Variants in SNPH observed in about 807,000 individuals in gnomAD.
SNPH encodes syntaphilin.
Under a neutral mutation model 36.8 loss-of-function variants are expected in SNPH, and 10 were observed. The ratio of observed to expected loss-of-function variants is 0.27; its 90% CI spans 0.17 to 0.46. The LOEUF is 0.46. Among genes scored for constraint, SNPH ranks in the 20% least tolerant of loss-of-function variants. The pLI, the probability that SNPH is intolerant of heterozygous loss-of-function variation, is 1.00. For synonymous variants in SNPH, 281 were observed against 312.2 expected (o/e 0.90, Z 1.05); for missense variants, 622 against 744.0 (o/e 0.84, Z 1.91).
At chr20:1,293,816 G>A in intron 2 of SNPH, among the ~76,000 whole-genome samples, 1 of 152,192 alleles carries the variant, frequency 6.6e-6, no homozygotes, top group East Asian at 1.9e-4. Flanking sequence ...AACTCAAGAG[G>A]AGGCAGGTGT....
intron 2 of SNPH, among the ~76,000 whole-genome samples, chr20:1,289,406 T>C (rs1040127314): frequency 1.3e-4 from 20 of 152,110 alleles, no homozygotes; most frequent in African/African-American, 4.3e-4. Flanking sequence ...GGGGGGGCAC[T>C]GGCTCTTGCT....
At chr20:1,269,315 A>T (rs2088045244) in intron 2 of SNPH, among the ~76,000 whole-genome samples, 1 of 152,210 alleles carries the variant, frequency 6.6e-6, no homozygotes, top group Admixed American at 6.5e-5. Flanking sequence ...AAATCAGACA[A>T]CTATGATTAC....
chr20:1,281,538 A>G (rs541915955), intron 2 of SNPH, among the ~76,000 whole-genome samples: 1 of 152,262 alleles, frequency 6.6e-6, no homozygotes, highest in East Asian at 1.9e-4. Flanking sequence ...GTCTAGCAGT[A>G]CCCAGCCCCC....
chr20:1,287,687 T>A (rs77598277), intron 2 of SNPH, among the ~76,000 whole-genome samples: 1,676 of 152,230 alleles, frequency 0.011, 33 homozygotes, highest in African/African-American at 0.038. Flanking sequence ...TAATCTTACA[T>A]CCAGGATCCA....
At chr20:1,278,110 TTGTGTGTGTATC>T (rs1344941430) in intron 2 of SNPH, among the ~76,000 whole-genome samples, 5 of 117,636 alleles carry the variant, frequency 4.3e-5, no homozygotes, top group Non-Finnish European at 8.9e-5. Context: ...GTGTGTCTGT[TTGTGTGTGTATC>T]TGTGTGTGTC....
intron 2 of SNPH, among the ~76,000 whole-genome samples, chr20:1,278,124 G>C (rs574005257): frequency 6.6e-6 from 1 of 150,860 alleles, no homozygotes; most frequent in Non-Finnish European, 1.5e-5. Flanking sequence ...GTGTGTATCT[G>C]TGTGTGTCTC....
chr20:1,288,005 A>G (rs890469648), intron 2 of SNPH, among the ~76,000 whole-genome samples: 1 of 152,206 alleles, frequency 6.6e-6, no homozygotes, highest in Non-Finnish European at 1.5e-5. Flanking sequence ...GCCGTGGAGC[A>G]GCTGGGATGG....
intron 2 of SNPH, among the ~76,000 whole-genome samples, chr20:1,272,962 G>A (rs575671387): frequency 5.9e-5 from 9 of 152,342 alleles, no homozygotes; most frequent in South Asian, 4.1e-4. Flanking sequence ...AAGCTTGGTC[G>A]GCAGCTTCAG....
In SNPH at chr20:1,266,856, A is replaced by G; in HGVS notation, c.-493+96A>G. On this transcript the variant is annotated intron_variant, in intron 2 of 6. Transcript: ENST00000381867. This position sits in a 1 kb window ranked among gnomAD's most constrained non-coding sequence, Gnocchi z 6.0. The stretch of plus-strand genomic sequence containing the variant: ...CGCTCGCTGCGGTAGAATCCCTTGG[A>G]GGGCACCAGCCTAAGAGGGGTTAAT... The G allele has an allele frequency of 7.7e-7, 1 of 1,294,044 alleles. No homozygotes were observed. The allele number at this position is 1,294,044 out of a possible 1,614,324, so 80.2% of individuals were successfully genotyped here.
chr20:1,286,524 T>C lies in SNPH; in HGVS notation c.-492-8427T>C, dbSNP rs548557124. ...GCTCCATGTCTCCCTGCTGAGCCCC[T>C]GGGAGCTGCAGGAAGATAGATGAAC... On this transcript the variant is annotated intron_variant, in intron 2 of 6. Transcript: ENST00000381867. Among the ~76,000 whole-genome samples the C allele has an allele frequency of 1.2e-4, 19 of 152,290 alleles. No homozygotes were observed. The South Asian group carries it at 3.7e-3, about 30-fold the overall frequency.
rs772913959 is a variant in SNPH, at chr20:1,305,135, A to G, written c.698A>G (p.Asn233Ser). The G allele has an allele frequency of 3.1e-6, 5 of 1,613,582 alleles. No individual in the cohort carries two copies. The highest frequency in any genetic ancestry group is 1.1e-5 in the South Asian group (1 of 91,092). Residue 233 changes from asparagine (N) to serine (S), a missense_variant, in exon 7 of 7, where the codon AAT (asparagine) becomes AGT (serine). Asn to Ser is a conservative substitution (Grantham distance 46). Around this residue, in one of 3 missense-constraint regions of SNPH, gnomAD observed 379 missense variants for 427.9 expected, o/e 0.89. Transcript: ENST00000381867. ...CTGCACAGCATGGAGGTGGCCCAGAATGGCATGGCCAAGGAGGATGGCACT... is the reference window on the plus strand; with the variant it reads ...CTGCACAGCATGGAGGTGGCCCAGAGTGGCATGGCCAAGGAGGATGGCACT... The part of the protein sequence containing the change: ...TLLHSMEVAQ[N>S]GMAKEDGTGE...
intron 2 of SNPH, among the ~76,000 whole-genome samples, chr20:1,277,681 C>A (rs1356726006): frequency 3.9e-5 from 3 of 76,740 alleles, no homozygotes; most frequent in Non-Finnish European, 7.7e-5. Flanking sequence ...CGTGTGTGTC[C>A]ATGTGTGTGC....
chr20:1,284,931 C>CTG (rs2088267614), intron 2 of SNPH, among the ~76,000 whole-genome samples: 1 of 152,150 alleles, frequency 6.6e-6, no homozygotes, highest in Admixed American at 6.5e-5. Flanking sequence ...CCTTTGGCTG[C>CTG]TGGGCAGAGT....
Position 1,306,005 on chromosome 20 carries a change from C to T in SNPH, c.1568C>T (p.Ser523Leu), listed in dbSNP as rs751538203. 33 of 1,526,186 alleles carry T rather than the reference C, an allele frequency of 2.2e-5. No individual in the cohort carries two copies. The highest frequency in any genetic ancestry group is 2.8e-5 in the Non-Finnish European group (32 of 1,137,398). 94.5% of individuals were successfully genotyped at this position (1,526,186 alleles called of 1,614,324 possible). Residue 523 changes from serine to leucine, a missense_variant, in exon 7 of 7, where the codon TCG becomes TTG. Coordinates refer to ENST00000381867, the MANE Select transcript of SNPH (RefSeq NM_001318234.2). ...LHSIRRISCR[S>L]LSQPSPSPAG... ...TCCATCCGCAGGATCAGCTGCCGCT[C>T]GCTGAGCCAGCCGAGTCCCAGCCCA... is the stretch of plus-strand genomic sequence containing the variant.
intron 5 of SNPH, among the ~76,000 whole-genome samples, chr20:1,298,433 C>T (rs898582337): frequency 2.0e-5 from 3 of 152,216 alleles, no homozygotes; most frequent in Non-Finnish European, 2.9e-5. Flanking sequence ...AGATTTCTAT[C>T]GTGACACACA....
intron 6 of SNPH, 30 bp downstream of exon 6, chr20:1,300,741 G>T (rs756826755): frequency 8.9e-5 from 142 of 1,591,542 alleles, no homozygotes; most frequent in Non-Finnish European, 1.1e-4. Flanking sequence ...CAGCCCTGGG[G>T]GTACCCCACC....
At chr20:1,295,459 C>G (rs2088417594) in intron 3 of SNPH, among the ~76,000 whole-genome samples, 3 of 152,220 alleles carry the variant, frequency 2.0e-5, no homozygotes, top group African/African-American at 7.2e-5. Flanking sequence ...CCCACTGGGA[C>G]ACCCCCAGCG....
intron 5 of SNPH, 55 bp from the exon 6 acceptor site, chr20:1,300,507 C>G: frequency 6.2e-7 from 1 of 1,605,832 alleles, no homozygotes; most frequent in Non-Finnish European, 8.5e-7. Flanking sequence ...AGGTAAAGCA[C>G]CTGTGCCTTG....
Position 1,296,389 on chromosome 20 carries a change from A to G in SNPH, c.150A>G (p.Pro50=), listed in dbSNP as rs1282867367. 1 of 1,604,774 alleles carries G rather than the reference A, an allele frequency of 6.2e-7. No homozygotes were observed. Among genetic ancestry groups the G allele is most frequent in the Admixed American group, 1.7e-5 (1 of 59,016 alleles). The part of the protein sequence containing the change: ...RTHSLMAMSL[P]GSRRTSAGSR... ...ACAGCCTCATGGCCATGTCCCTGCC[A>G]GGAAGTAGACGGACCTCTGCTGGAT... Residue 50 remains proline, a synonymous_variant, in exon 4 of 7, where the codon CCA becomes CCG. Transcript: ENST00000381867.
Sources: allele counts gnomAD v4.1 joint callset (sites outside exome capture counted in the v4.1 genomes callset), GRCh38; gene constraint gnomAD v4.1.1; regional missense constraint gnomAD v4.1.1; non-coding constraint Gnocchi (gnomAD v3.1); transcripts MANE v1.5; gene names NCBI Gene and HGNC (gene_info 2026-07-23, HGNC 2026-07-21).